LTAP1: variants seen among roughly 807,000 people sequenced by gnomAD.
LTAP1 encodes HCV NS5A-transactivated protein 4.
the LTAP1 span, chr1:154,220,431 T>G: frequency 6.2e-7 from 1 of 1,614,100 alleles, no homozygotes; most frequent in Non-Finnish European, 8.5e-7. Context: ...CGCGCAGAAT[T>G]GTTCGGGTTT....
At chr1:154,207,247 T>C in the LTAP1 span, 1 of 473,252 alleles carries the variant, frequency 2.1e-6, no homozygotes, top group East Asian at 3.5e-5. Context: ...AAAATAGTCT[T>C]AGCCAATGTT....
the LTAP1 span, among the ~76,000 whole-genome samples, chr1:154,215,357 G>A: frequency 1.3e-5 from 2 of 152,162 alleles, no homozygotes; most frequent in South Asian, 4.2e-4. Context: ...ACAAGGTCAG[G>A]AGATCGAGAC....
chr1:154,211,289 C>T, the LTAP1 span, among the ~76,000 whole-genome samples: 1 of 150,080 alleles, frequency 6.7e-6, no homozygotes, highest in Non-Finnish European at 1.5e-5. Flanking sequence ...AGGCGTGAGC[C>T]ACCGCGCCCG....
At chr1:154,220,022 T>A in the LTAP1 span, 5 of 1,153,794 alleles carry the variant, frequency 4.3e-6, no homozygotes, top group Non-Finnish European at 6.1e-6. Context: ...TCATTCCAAA[T>A]CCCCAGATTC....
chr1:154,219,251 G>C, the LTAP1 span, among the ~76,000 whole-genome samples: 1 of 152,224 alleles, frequency 6.6e-6, no homozygotes, highest in Non-Finnish European at 1.5e-5. Context: ...TCAGGAAAGA[G>C]TTCTAGGATA....
At chr1:154,207,532 T>C in the LTAP1 span, 1 of 1,614,206 alleles carries the variant, frequency 6.2e-7, no homozygotes, top group Non-Finnish European at 8.5e-7. Flanking sequence ...TTTACTCTTC[T>C]GACTGGAGGG....
At chr1:154,219,797 T>G in the LTAP1 span, 1 of 1,414,090 alleles carries the variant, frequency 7.1e-7, no homozygotes, top group South Asian at 1.2e-5. Context: ...CCCTAAAAGA[T>G]CTGGAGAAGT....
the LTAP1 span, among the ~76,000 whole-genome samples, chr1:154,215,020 T>G: frequency 6.6e-6 from 1 of 151,890 alleles, no homozygotes; most frequent in Non-Finnish European, 1.5e-5. Flanking sequence ...AATTTTTCTA[T>G]TCTTAGTAGA....
chr1:154,219,314 A>G, the LTAP1 span, among the ~76,000 whole-genome samples: 1 of 152,226 alleles, frequency 6.6e-6, no homozygotes, highest in Non-Finnish European at 1.5e-5. Context: ...CAGTCACCTA[A>G]GGAGAAAGTA....
the LTAP1 span, chr1:154,212,013 C>T: frequency 9.7e-5 from 29 of 300,406 alleles, 2 homozygotes; most frequent in South Asian, 6.0e-4. Context: ...TGCGCCACCA[C>T]GCCCGGCTAA....
At chr1:154,217,525 C>G in the LTAP1 span, among the ~76,000 whole-genome samples, 1 of 152,190 alleles carries the variant, frequency 6.6e-6, no homozygotes, top group South Asian at 2.1e-4. Flanking sequence ...GCTTTCTTCA[C>G]TCAGCATGGT....
chr1:154,216,738 A>G, the LTAP1 span, among the ~76,000 whole-genome samples: 1 of 150,228 alleles, frequency 6.7e-6, no homozygotes, highest in South Asian at 2.1e-4. Context: ...CTGGTCTCAA[A>G]CTCCTGACCT....
At chr1:154,212,533 C>T in the LTAP1 span, 1 of 1,614,058 alleles carries the variant, frequency 6.2e-7, no homozygotes, top group Non-Finnish European at 8.5e-7. Flanking sequence ...CCTTGAAAGG[C>T]GTACTAGTGT....
the LTAP1 span, chr1:154,207,654 G>T: frequency 3.1e-6 from 5 of 1,591,304 alleles, no homozygotes; most frequent in African/African-American, 1.3e-5. Flanking sequence ...TAACCCTGAA[G>T]AACAGAGAGG....
the LTAP1 span, chr1:154,213,961 A>G: frequency 1.2e-6 from 2 of 1,611,086 alleles, no homozygotes; most frequent in Non-Finnish European, 1.7e-6. Context: ...TGAGGAAAAG[A>G]CTGGTGTTAG....
the LTAP1 span, among the ~76,000 whole-genome samples, chr1:154,217,104 G>A: frequency 1.3e-5 from 2 of 151,530 alleles, no homozygotes; most frequent in East Asian, 2.0e-4. Context: ...ACACCGCCAC[G>A]CCCAGCTAAT....
the LTAP1 span, chr1:154,214,528 A>G: frequency 6.2e-7 from 1 of 1,614,062 alleles, no homozygotes; most frequent in Non-Finnish European, 8.5e-7. Context: ...CTCATACTTG[A>G]TATCCTGAAC....
the LTAP1 span, chr1:154,207,193 G>T: frequency 2.7e-6 from 1 of 372,250 alleles, no homozygotes; most frequent in Non-Finnish European, 4.9e-6. Flanking sequence ...GAAACATTAA[G>T]AATAACACCT....
the LTAP1 span, among the ~76,000 whole-genome samples, chr1:154,219,442 CCTCTT>C: frequency 6.6e-6 from 1 of 152,138 alleles, no homozygotes; most frequent in Non-Finnish European, 1.5e-5. Context: ...TTATGGAGCT[CCTCTT>C]AAGTCTAAAA....
Sources: allele counts gnomAD v4.1 joint callset (sites outside exome capture counted in the v4.1 genomes callset), GRCh38; gene constraint gnomAD v4.1.1; transcripts MANE v1.5; gene names NCBI Gene and HGNC (gene_info 2026-07-23, HGNC 2026-07-21).